The following C1QTNF3 variants were observed in gnomAD, a reference collection of about 807,000 sequenced individuals.
C1QTNF3 encodes C1q and TNF related 3.
Under a neutral mutation model 32.6 loss-of-function variants are expected in C1QTNF3, and 26 were observed. The ratio of observed to expected loss-of-function variants is 0.80; its 90% confidence interval spans 0.58 to 1.11. C1QTNF3 has a LOEUF of 1.11. Ranked by LOEUF, C1QTNF3 falls within the 50% of genes least tolerant of loss-of-function variation. The pLI is 0.00. For synonymous variants in C1QTNF3, 155 were observed against 146.0 expected (o/e 1.06, Z -0.44); for missense variants, 362 against 398.2 (o/e 0.91, Z 0.77).
the C1QTNF3 span, among the ~76,000 whole-genome samples, chr5:34,172,589 T>C: frequency 2.0e-5 from 3 of 152,208 alleles, no homozygotes; most frequent in Non-Finnish European, 2.9e-5. Context: ...ATGAGAATGA[T>C]AAAACTGCTC....
chr5:34,099,105 G>A, the C1QTNF3 span, among the ~76,000 whole-genome samples: 141 of 152,200 alleles, frequency 9.3e-4, no homozygotes, highest in African/African-American at 2.4e-3. Flanking sequence ...AAATGGCACC[G>A]AGAGACTTTA....
At position 34,023,942 on chromosome 5, in the gene C1QTNF3, A is replaced by G. The variant is rs1754401897; in HGVS notation, c.767T>C (p.Met256Thr). ...GCTGAAGACTGTGTTGCCATTGTGC[A>G]TAAGGTACACATACACTTCCTCAAC... ...EDVEEVYVYL[M>T]HNGNTVFSMY... The change falls in exon 5 of 6, where the codon ATG (methionine) becomes ACG (threonine). Residue 256 changes from methionine (M) to threonine (T), a missense_variant. Coordinates refer to ENST00000382065, the MANE Select transcript of C1QTNF3 (RefSeq NM_181435.6). 6.2e-7 allele frequency: 1 copy of G among 1,614,170 alleles called. No individual in the cohort carries two copies. Among genetic ancestry groups the G allele is most frequent in the Non-Finnish European group, 8.5e-7 (1 of 1,180,004 alleles).
At chr5:34,033,987 T>G (rs538537462) in intron 2 of C1QTNF3, among the ~76,000 whole-genome samples, 35 of 152,222 alleles carry the variant, frequency 2.3e-4, no homozygotes, top group African/African-American at 8.4e-4. Context: ...TATGGTGAGA[T>G]CCCATCTTTA....
At chr5:34,031,749 C>T (rs1754619169) in intron 3 of C1QTNF3, among the ~76,000 whole-genome samples, 1 of 152,144 alleles carries the variant, frequency 6.6e-6, no homozygotes. Flanking sequence ...GCAAGAGAAT[C>T]GCTTGAACCT....
At chr5:34,197,142 AG>A in the C1QTNF3 span, among the ~76,000 whole-genome samples, 26 of 152,294 alleles carry the variant, frequency 1.7e-4, no homozygotes, top group African/African-American at 6.0e-4. Flanking sequence ...CGTTCTTTAA[AG>A]AACAAAAACA....
the C1QTNF3 span, among the ~76,000 whole-genome samples, chr5:34,100,555 TATC>T: frequency 1.9e-4 from 29 of 151,632 alleles, no homozygotes; most frequent in Admixed American, 1.7e-3. Context: ...AATTTATTAA[TATC>T]ATTATTATTA....
At chr5:34,206,059 AACACAAT>A in the C1QTNF3 span, among the ~76,000 whole-genome samples, 2 of 152,152 alleles carry the variant, frequency 1.3e-5, no homozygotes, top group South Asian at 4.1e-4. Context: ...TAATTTTAGC[AACACAAT>A]ACATTAATTG....
chr5:34,035,909 T>C, intron 1 of C1QTNF3, 151 bp from the exon 2 acceptor site: 1 of 618,818 alleles, frequency 1.6e-6, no homozygotes, highest in South Asian at 2.0e-5. Context: ...GAGATATCAA[T>C]GGCAAAGGGT....
the C1QTNF3 span, among the ~76,000 whole-genome samples, chr5:34,050,717 G>T: frequency 6.6e-6 from 1 of 152,102 alleles, no homozygotes; most frequent in Non-Finnish European, 1.5e-5. Context: ...TCTGGCTTTG[G>T]GGAGTAATGG....
chr5:34,233,674 T>A, the C1QTNF3 span, among the ~76,000 whole-genome samples: 2 of 150,414 alleles, frequency 1.3e-5, no homozygotes, highest in African/African-American at 4.9e-5. Context: ...AGTTAACATA[T>A]TCACAGGTTC....
chr5:34,212,918 G>T, the C1QTNF3 span, among the ~76,000 whole-genome samples: 2 of 151,840 alleles, frequency 1.3e-5, no homozygotes, highest in South Asian at 2.1e-4. Context: ...TATACCCAAA[G>T]GATTATAAAT....
chr5:34,057,154 G>A, the C1QTNF3 span, among the ~76,000 whole-genome samples: 104 of 152,284 alleles, frequency 6.8e-4, no homozygotes, highest in African/African-American at 2.4e-3. Flanking sequence ...TCACTTGATT[G>A]ACATGCGACA....
At chr5:34,126,755 C>T in the C1QTNF3 span, among the ~76,000 whole-genome samples, 1 of 151,618 alleles carries the variant, frequency 6.6e-6, no homozygotes, top group Non-Finnish European at 1.5e-5. Flanking sequence ...GAATATTATT[C>T]AGCATTAAGA....
chr5:34,131,450 A>T, the C1QTNF3 span, among the ~76,000 whole-genome samples: 1 of 151,902 alleles, frequency 6.6e-6, no homozygotes, highest in Non-Finnish European at 1.5e-5. Flanking sequence ...GCACACACAC[A>T]TATTTCTAAT....
chr5:34,100,204 A>G, the C1QTNF3 span, among the ~76,000 whole-genome samples: 169 of 152,280 alleles, frequency 1.1e-3, no homozygotes, highest in African/African-American at 3.9e-3. Flanking sequence ...GTGGTAGAAG[A>G]GACAGAAAAG....
At chr5:34,153,853 T>TAAAAAAAAAAAAAAAAA in the C1QTNF3 span, among the ~76,000 whole-genome samples, 2 of 32,938 alleles carry the variant, frequency 6.1e-5, no homozygotes, top group Non-Finnish European at 1.4e-4. Context: ...ACTTAGAGTA[T>TAAAAAAAAAAAAAAAAA]AAAAAAAAAA....
At chr5:34,195,898 G>C in the C1QTNF3 span, among the ~76,000 whole-genome samples, 1 of 152,402 alleles carries the variant, frequency 6.6e-6, no homozygotes, top group African/African-American at 2.4e-5. Context: ...AGGATACTGG[G>C]AGGCGTGGCC....
the C1QTNF3 span, among the ~76,000 whole-genome samples, chr5:34,163,234 A>G: frequency 2.2e-4 from 34 of 152,130 alleles, no homozygotes; most frequent in Admixed American, 2.0e-3. Flanking sequence ...AAAGAAAAAG[A>G]TTCTGAGCTT....
chr5:34,243,174 T>C, the C1QTNF3 span, among the ~76,000 whole-genome samples: 1 of 152,118 alleles, frequency 6.6e-6, no homozygotes, highest in Non-Finnish European at 1.5e-5. Flanking sequence ...ACAGATATTT[T>C]CTCAAAAGAA....
Sources: gnomAD v4.1 joint callset for allele counts (sites outside exome capture counted in the v4.1 genomes callset) on GRCh38, gnomAD v4.1.1 for gene constraint, MANE v1.5 for transcripts, NCBI Gene and HGNC (gene_info 2026-07-23, HGNC 2026-07-21) for gene names.